BMPR2: variants seen among roughly 807,000 people sequenced by gnomAD.
BMPR2 encodes bone morphogenetic protein receptor type-2.
A neutral mutation model predicts 100.8 loss-of-function variants in BMPR2; 29 were observed. The observed-to-expected ratio is 0.29, with a 90% CI of 0.21 to 0.39. The LOEUF is 0.39. Ranked by LOEUF, BMPR2 falls within the 10% of genes least tolerant of loss-of-function variation. BMPR2 has a pLI of 1.00. For synonymous variants in BMPR2, 382 were observed against 442.3 expected, an observed-to-expected ratio of 0.86 and a Z score of 1.71; for missense variants, 1,011 against 1,274.5, an observed-to-expected ratio of 0.79 and a Z score of 3.15.
intron 1 of BMPR2, among the ~76,000 whole-genome samples, chr2:202,394,128 T>C (rs1283885779): frequency 1.3e-5 from 2 of 152,078 alleles, no homozygotes; most frequent in African/African-American, 4.8e-5. Flanking sequence ...GGCAGGTGGA[T>C]CACCTGAGAT....
chr2:202,476,293 C>T (rs2105969599), intron 3 of BMPR2, among the ~76,000 whole-genome samples: 1 of 152,188 alleles, frequency 6.6e-6, no homozygotes, highest in South Asian at 2.1e-4. Context: ...AACTGTGTCT[C>T]ATTTCCTTAT....
rs750470872 is a variant in BMPR2 at position 202,456,063 on chromosome 2, CAAAAAAAAAAAAAAAAAAAA to C, written c.77-8726_77-8707del. Among the ~76,000 whole-genome samples, 85 of 36,764 alleles carry C rather than the reference CAAAAAAAAAAAAAAAAAAAA, an allele frequency of 2.3e-3. 1 individual carries two copies. The highest frequency in any genetic ancestry group is 8.8e-3 in the African/African-American group (75 of 8,476). The allele number at this position is 36,764 out of a possible 152,430, so 24.1% of individuals were successfully genotyped here. A position where few individuals can be genotyped will look rare whatever the true frequency, so the allele number is the denominator to read the frequency against. ...CTGGGCAACAGGGTGAGACCCGTCT[CAAAAAAAAAAAAAAAAAAAA>C]AAAAAAAAAAAAAAAAAAAGTTAAG... On this transcript the variant is annotated intron_variant, in intron 1 of 12. Transcript: ENST00000374580.
chr2:202,541,931 G>A (rs1010974361), intron 9 of BMPR2, among the ~76,000 whole-genome samples: 6 of 152,012 alleles, frequency 3.9e-5, no homozygotes, highest in Non-Finnish European at 7.4e-5. Flanking sequence ...GGCCAACATG[G>A]TGAAACCCTA....
Position 202,484,341 on chromosome 2 carries a change from TCCTTCCCTCCCTCCCTC to T in BMPR2, c.418+16659_418+16675del, listed in dbSNP as rs1334335680. 6.2e-3 allele frequency among the ~76,000 whole-genome samples: 907 copies of T among 145,830 alleles called. 16 individuals carry two copies. The highest frequency in any genetic ancestry group is 0.023 in the African/African-American group (865 of 38,240). ...TGTCAGTGTCTAATATTTCCTTCCT[TCCTTCCCTCCCTCCCTC>T]CCTTCCTTCTTTCCTTCCTTCCGAA... On this transcript the variant is annotated intron_variant, in intron 3 of 12. Coordinates refer to ENST00000374580, the MANE Select transcript of BMPR2 (RefSeq NM_001204.7).
At chr2:202,530,507 C>T (rs1307077437) in intron 7 of BMPR2, among the ~76,000 whole-genome samples, 1 of 151,850 alleles carries the variant, frequency 6.6e-6, no homozygotes, top group African/African-American at 2.4e-5. Flanking sequence ...CCTCCTTTTA[C>T]AGCCCTATAC....
At chr2:202,457,539 ATT>A (rs1234080950) in intron 1 of BMPR2, among the ~76,000 whole-genome samples, 1 of 124,014 alleles carries the variant, frequency 8.1e-6, no homozygotes, top group Non-Finnish European at 1.6e-5. Flanking sequence ...TTTTAGCAAT[ATT>A]TTATATATAT....
chr2:202,557,971 AAACT>A (rs1484333972), intron 12 of BMPR2, among the ~76,000 whole-genome samples: 1 of 152,166 alleles, frequency 6.6e-6, no homozygotes, highest in Non-Finnish European at 1.5e-5. Flanking sequence ...AGGTTTTATC[AAACT>A]AACCTTAATA....
intron 3 of BMPR2, among the ~76,000 whole-genome samples, chr2:202,496,727 C>T (rs1693037842): frequency 6.6e-6 from 1 of 152,196 alleles, no homozygotes; most frequent in South Asian, 2.1e-4. Flanking sequence ...TTCAGAACTA[C>T]TGAGAGGTGA....
Position 202,560,083 on chromosome 2 carries a change from A to G in BMPR2, c.*137A>G, listed in dbSNP as rs1190762390. 5 of 1,132,118 alleles carry G rather than the reference A, an allele frequency of 4.4e-6. No individual in the cohort carries two copies. Among genetic ancestry groups the G allele is most frequent in the Non-Finnish European group, 6.2e-6 (5 of 807,744 alleles). 70.1% of individuals were successfully genotyped at this position (1,132,118 alleles called of 1,614,324 possible). The stretch of plus-strand genomic sequence containing the variant: ...CCCCTGCAACAAAGACTTGCTTTAA[A>G]TAGATTTCAGCTATGCAGAAAAATT... On this transcript the variant is annotated 3_prime_UTR_variant, in exon 13 of 13. Transcript: ENST00000374580.
intron 3 of BMPR2, among the ~76,000 whole-genome samples, chr2:202,488,300 G>C (rs1165770038): frequency 6.6e-6 from 1 of 152,160 alleles, no homozygotes; most frequent in Admixed American, 6.5e-5. Flanking sequence ...AGTGCTGACA[G>C]TATTATAAAG....
chr2:202,487,216 A>G (rs1370184429), intron 3 of BMPR2, among the ~76,000 whole-genome samples: 1 of 152,200 alleles, frequency 6.6e-6, no homozygotes, highest in Non-Finnish European at 1.5e-5. Context: ...TTTGATTTTC[A>G]AGAGGTTTTT....
chr2:202,549,319 TAC>T (rs1445747361), intron 10 of BMPR2, among the ~76,000 whole-genome samples: 1 of 152,182 alleles, frequency 6.6e-6, no homozygotes, highest in African/African-American at 2.4e-5. Context: ...ATGCATATGA[TAC>T]AGTTTGTTTG....
At chr2:202,551,673 G>C (rs769330559) in intron 10 of BMPR2, among the ~76,000 whole-genome samples, 3 of 152,096 alleles carry the variant, frequency 2.0e-5, no homozygotes, top group Non-Finnish European at 4.4e-5. Context: ...AGAGATGTCT[G>C]TAAGTTTTAA....
At chr2:202,390,334 T>G (rs1574422922) in intron 1 of BMPR2, among the ~76,000 whole-genome samples, 2 of 64,924 alleles carry the variant, frequency 3.1e-5, no homozygotes, top group Admixed American at 3.1e-4. Context: ...TTCTTTCGTG[T>G]TTTTTTTTTT....
At chr2:202,550,327 C>T (rs1388728890) in intron 10 of BMPR2, among the ~76,000 whole-genome samples, 1 of 148,636 alleles carries the variant, frequency 6.7e-6, no homozygotes, top group African/African-American at 2.5e-5. Flanking sequence ...GAGCCGAGAT[C>T]GCGCCATTGC....
chr2:202,439,741 T>C (rs1437003474), intron 1 of BMPR2, among the ~76,000 whole-genome samples: 1 of 147,386 alleles, frequency 6.8e-6, no homozygotes, highest in African/African-American at 2.7e-5. Flanking sequence ...GGTTTTTCTT[T>C]TTTCTTTTTT....
intron 3 of BMPR2, among the ~76,000 whole-genome samples, chr2:202,468,933 A>G (rs555268524): frequency 6.6e-6 from 1 of 152,378 alleles, no homozygotes; most frequent in Non-Finnish European, 1.5e-5. Context: ...TTGGTTATTT[A>G]TAAGGGATCC....
intron 1 of BMPR2, among the ~76,000 whole-genome samples, chr2:202,382,310 G>A (rs1443663437): frequency 6.6e-6 from 1 of 151,944 alleles, no homozygotes. Context: ...CACCTGCCCT[G>A]GCCTCCCAAA....
At chr2:202,455,695 A>C (rs983969877) in intron 1 of BMPR2, among the ~76,000 whole-genome samples, 2 of 152,138 alleles carry the variant, frequency 1.3e-5, no homozygotes, top group Admixed American at 6.6e-5. Flanking sequence ...TTTTTGGCCC[A>C]AAATGGTTAG....
Sources: gnomAD v4.1 joint callset for allele counts (sites outside exome capture counted in the v4.1 genomes callset) on GRCh38, gnomAD v4.1.1 for gene constraint, MANE v1.5 for transcripts, NCBI Gene and HGNC (gene_info 2026-07-23, HGNC 2026-07-21) for gene names.